Variants in NUP214 observed in about 807,000 individuals in gnomAD.
NUP214 encodes nuclear pore complex protein Nup214.
In NUP214, 79 loss-of-function variants were observed where a neutral mutation model predicts 196.2. The ratio of observed to expected loss-of-function variants is 0.40; its 90% CI spans 0.34 to 0.49. NUP214 has a LOEUF of 0.49. Ranked by LOEUF, NUP214 falls within the 20% of genes least tolerant of loss-of-function variation. The pLI, the probability that NUP214 is intolerant of heterozygous loss-of-function variation, is 0.58. For missense variants in NUP214, 2,468 were observed against 2,539.0 expected, an observed-to-expected ratio of 0.97 and a Z score of 0.60; for synonymous variants, 1,020 against 990.5, an observed-to-expected ratio of 1.03 and a Z score of -0.56.
chr9:131,151,711 C>T lies in NUP214; in HGVS notation c.2278-25C>T, dbSNP rs777637386. 3.8e-6 allele frequency: 6 copies of T among 1,577,716 alleles called. No individual in the cohort carries two copies. The East Asian group carries it at 1.4e-4, about 36-fold the overall frequency. Reference sequence around the variant, plus strand: ...ATTTGGACGTAACAACTTTTTGTACCAACACATTATTGTACTTTTTCTAGT... The same window carrying T: ...ATTTGGACGTAACAACTTTTTGTACTAACACATTATTGTACTTTTTCTAGT... On this transcript the variant is annotated intron_variant, in intron 16 of 35. Transcript: ENST00000359428.
In NUP214 at chr9:131,150,782, A is replaced by G; in HGVS notation, c.2277+17A>G. The G allele has an allele frequency of 6.3e-7, 1 of 1,595,242 alleles. No homozygotes were observed. Among genetic ancestry groups the G allele is most frequent in the Non-Finnish European group, 8.5e-7 (1 of 1,174,018 alleles). On this transcript the variant is annotated intron_variant, in intron 16 of 35. Coordinates refer to ENST00000359428, the MANE Select transcript of NUP214 (RefSeq NM_005085.4). ...ACCACAGAGGTTTGTGTTTATGGAT[A>G]CTTTTCCTGAGTTGAATTGCATTTA... is the stretch of plus-strand genomic sequence containing the variant.
intron 21 of NUP214, 102 bp from the exon 22 acceptor site, chr9:131,173,953 T>A: frequency 1.4e-6 from 2 of 1,384,900 alleles, no homozygotes; most frequent in Non-Finnish European, 2.0e-6. Flanking sequence ...TTAAATCATT[T>A]TACAAGTTGA....
chr9:131,222,138 C>G (rs112764686), intron 31 of NUP214, among the ~76,000 whole-genome samples: 5,631 of 152,292 alleles, frequency 0.037, 145 homozygotes, highest in Middle Eastern at 0.061. Context: ...GACTGGAAGT[C>G]TTGCTAGCCT....
intron 31 of NUP214, among the ~76,000 whole-genome samples, chr9:131,221,704 C>T (rs1332641087): frequency 6.6e-6 from 1 of 152,140 alleles, no homozygotes; most frequent in Non-Finnish European, 1.5e-5. Context: ...ATATGCTGTG[C>T]CTCCCATTTA....
At position 131,228,189 on chromosome 9, in the gene NUP214, A is replaced by C; in HGVS notation, c.5932A>C (p.Ser1978Arg). 3 of 1,600,118 alleles carry C rather than the reference A, an allele frequency of 1.9e-6. No homozygotes were observed. The highest frequency in any genetic ancestry group is 1.7e-6 in the Non-Finnish European group (2 of 1,174,652). ...GGFGAAPVFG[S>R]PPTFGGSPGF... is the part of the protein sequence containing the mutation. ...CTTCGGTGCTGCTCCAGTGTTTGGC[A>C]GCCCTCCTACTTTTGGGGGATCCCC... Residue 1978 changes from serine to arginine, a missense_variant, in exon 33 of 36, where the codon AGC (serine) becomes CGC (arginine). By Grantham distance (110) the Ser-to-Arg change is moderately radical. Coordinates refer to ENST00000359428, the MANE Select transcript of NUP214 (RefSeq NM_005085.4).
rs762249136 is a variant in NUP214 at position 131,187,363 on chromosome 9, A to G, written c.3494A>G (p.Gln1165Arg). 1 of 1,579,998 alleles carries G rather than the reference A, an allele frequency of 6.3e-7. No individual in the cohort carries two copies. The highest frequency in any genetic ancestry group is 2.2e-5 in the East Asian group (1 of 44,596). Residue 1165 changes from glutamine to arginine, a missense_variant and splice_region_variant, in exon 25 of 36, where the codon CAG becomes CGG. Coordinates refer to ENST00000359428, the MANE Select transcript of NUP214 (RefSeq NM_005085.4). ...CCAGTGGCTGCTAACCAAGCCAAGC[A>G]GGTAACTTACTGATTTTTACTTTTT... is the stretch of plus-strand genomic sequence containing the variant. ...LTPVAANQAK[Q>R]GSLINSLKPS...
At chr9:131,181,000 A>G (rs1323403068) in intron 24 of NUP214, among the ~76,000 whole-genome samples, 4 of 152,248 alleles carry the variant, frequency 2.6e-5, no homozygotes, top group Non-Finnish European at 5.9e-5. Context: ...ATAAATAAGT[A>G]AAATATGTAA....
intron 12 of NUP214, 33 bp downstream of exon 12, chr9:131,144,787 A>G: frequency 6.9e-7 from 1 of 1,453,510 alleles, no homozygotes; most frequent in East Asian, 2.3e-5. Context: ...TTCTTCTGTG[A>G]GTTGGGTAGA....
intron 24 of NUP214, among the ~76,000 whole-genome samples, chr9:131,184,253 A>T (rs1452159289): frequency 6.6e-6 from 1 of 150,582 alleles, no homozygotes; most frequent in Non-Finnish European, 1.5e-5. Context: ...CTGATTTCAA[A>T]TTCCTGACCT....
intron 14 of NUP214, chr9:131,150,101 G>A (rs992093319): frequency 4.4e-6 from 2 of 455,718 alleles, no homozygotes; most frequent in Admixed American, 3.4e-5. Context: ...CCAGTAGGAG[G>A]TAAGTTCCAT....
At chr9:131,216,602 G>A (rs540970829) in intron 31 of NUP214, among the ~76,000 whole-genome samples, 21 of 148,608 alleles carry the variant, frequency 1.4e-4, no homozygotes, top group East Asian at 1.4e-3. Context: ...GTGCAATCTC[G>A]GCTCACTGCA....
intron 17 of NUP214, among the ~76,000 whole-genome samples, chr9:131,155,783 T>TG (rs2133531084): frequency 6.6e-6 from 1 of 152,342 alleles, no homozygotes; most frequent in East Asian, 1.9e-4. Context: ...GAAGATCAGT[T>TG]GGCTCTAATA....
At chr9:131,137,552 C>CTTTT (rs11338707) in intron 9 of NUP214, among the ~76,000 whole-genome samples, 19 of 88,706 alleles carry the variant, frequency 2.1e-4, no homozygotes, top group Admixed American at 5.2e-4. Context: ...CTGGTGGTAT[C>CTTTT]TTTTTTTTTT....
At chr9:131,131,782 G>A (rs1024966445) in intron 5 of NUP214, among the ~76,000 whole-genome samples, 1 of 151,786 alleles carries the variant, frequency 6.6e-6, no homozygotes, top group African/African-American at 2.4e-5. Flanking sequence ...TCAGCCTCCT[G>A]GGCTCAGGTG....
At chr9:131,154,686 G>A (rs1158080358) in intron 17 of NUP214, among the ~76,000 whole-genome samples, 1 of 152,206 alleles carries the variant, frequency 6.6e-6, no homozygotes, top group Non-Finnish European at 1.5e-5. Context: ...TCATAGTTTA[G>A]CTCCTGCTCA....
intron 31 of NUP214, among the ~76,000 whole-genome samples, chr9:131,216,629 C>A (rs1834407763): frequency 6.6e-6 from 1 of 150,986 alleles, no homozygotes; most frequent in Non-Finnish European, 1.5e-5. Flanking sequence ...CAGGTTCAAG[C>A]AATTCTCCCA....
At chr9:131,155,808 C>T (rs1333734549) in intron 17 of NUP214, among the ~76,000 whole-genome samples, 1 of 152,088 alleles carries the variant, frequency 6.6e-6, no homozygotes, top group Non-Finnish European at 1.5e-5. Flanking sequence ...GGCTTTATTT[C>T]TGGGTTCTCT....
chr9:131,128,582 TTTCTCTCTAGATTAAAATA>T, intron 3 of NUP214, 99 bp downstream of exon 3: 1 of 1,040,932 alleles, frequency 9.6e-7, no homozygotes, highest in Non-Finnish European at 1.3e-6. Context: ...ACCCTTGAAG[TTTCTCTCTAGATTAAAATA>T]TGGGTTAAAA....
At chr9:131,137,853 G>A (rs757166980) in intron 9 of NUP214, among the ~76,000 whole-genome samples, 78 of 152,096 alleles carry the variant, frequency 5.1e-4, no homozygotes, top group South Asian at 1.9e-3. Context: ...TCCCGGTCTG[G>A]TGATAACTCT....
Sources: allele counts gnomAD v4.1 joint callset (sites outside exome capture counted in the v4.1 genomes callset), GRCh38; gene constraint gnomAD v4.1.1; transcripts MANE v1.5; gene names NCBI Gene and HGNC (gene_info 2026-07-23, HGNC 2026-07-21).